ARID4B: variants seen among roughly 807,000 people sequenced by gnomAD.
ARID4B encodes AT-rich interaction domain 4B.
A neutral mutation model predicts 147.5 loss-of-function variants in ARID4B; 26 were observed. The ratio of observed to expected loss-of-function variants is 0.18; its 90% CI spans 0.13 to 0.24. The LOEUF (loss-of-function observed/expected upper bound fraction) is 0.24. ARID4B is among the 10% of genes least tolerant of loss of function. ARID4B has a pLI of 1.00. For missense variants in ARID4B, 1,179 were observed against 1,511.5 expected (o/e 0.78, Z 3.65); for synonymous variants, 512 against 507.9 (o/e 1.01, Z -0.11).
chr1:235,272,262 A>G lies in ARID4B; in HGVS notation c.7-11510T>C, dbSNP rs181314023. ...CTTTCCTTTTCCCAAATATACCAACATTTTGCAAAAGTGACCATTTTATAC... is the reference window on the plus strand; with the variant it reads ...CTTTCCTTTTCCCAAATATACCAACGTTTTGCAAAAGTGACCATTTTATAC... On this transcript the variant is annotated intron_variant, in intron 2 of 23. Coordinates refer to ENST00000264183, the MANE Select transcript of ARID4B (RefSeq NM_016374.6). 2.9e-3 allele frequency among the ~76,000 whole-genome samples: 449 copies of G among 152,256 alleles called. 3 individuals are homozygous for G. Among genetic ancestry groups the G allele is most frequent in the African/African-American group, 0.01 (428 of 41,540 alleles).
At position 235,328,109 on chromosome 1, in the gene ARID4B, G is replaced by A. The variant is rs1675480556; in HGVS notation, c.-390C>T. The A allele has an allele frequency of 6.5e-6, 1 of 153,370 alleles. No homozygotes were observed. Among genetic ancestry groups the A allele is most frequent in the African/African-American group, 2.4e-5 (1 of 41,442 alleles). The allele number at this position is 153,370 out of a possible 1,614,324, so 9.5% of individuals were successfully genotyped here. A position where few individuals can be genotyped will look rare whatever the true frequency, so the allele number is the denominator to read the frequency against. On this transcript the variant is annotated 5_prime_UTR_variant, in exon 1 of 24. Coordinates refer to ENST00000264183, the MANE Select transcript of ARID4B (RefSeq NM_016374.6). ...CAGGCGGTGGCCGTGGCGGCGGCAA[G>A]ATGAAGCTCAAGAGTCTCCCTCCGC...
intron 2 of ARID4B, among the ~76,000 whole-genome samples, chr1:235,272,226 C>T (rs988123325): frequency 6.6e-6 from 1 of 152,152 alleles, no homozygotes; most frequent in African/African-American, 2.4e-5. Context: ...TGATGTAACA[C>T]TATATACTGA....
At chr1:235,202,082 A>C (rs980317570) in intron 17 of ARID4B, among the ~76,000 whole-genome samples, 1 of 150,842 alleles carries the variant, frequency 6.6e-6, no homozygotes, top group African/African-American at 2.4e-5. Flanking sequence ...CCTGGCTTTA[A>C]CTGGTCTTAA....
chr1:235,225,309 T>C (rs951309314), intron 11 of ARID4B, among the ~76,000 whole-genome samples: 1 of 152,158 alleles, frequency 6.6e-6, no homozygotes, highest in African/African-American at 2.4e-5. Flanking sequence ...GGGAACAAAT[T>C]TGATCTACAA....
intron 8 of ARID4B, among the ~76,000 whole-genome samples, chr1:235,239,821 A>G (rs1668871454): frequency 6.6e-6 from 1 of 152,230 alleles, no homozygotes; most frequent in Non-Finnish European, 1.5e-5. Flanking sequence ...AACATTAAAA[A>G]GTAGGTAGAA....
chr1:235,267,885 C>T (rs1045698717), intron 2 of ARID4B, among the ~76,000 whole-genome samples: 2 of 151,032 alleles, frequency 1.3e-5, no homozygotes, highest in Non-Finnish European at 2.9e-5. Flanking sequence ...ACCTGAGTGA[C>T]GTGAGACTAC....
At chr1:235,301,044 T>C (rs1476673046) in intron 2 of ARID4B, among the ~76,000 whole-genome samples, 1 of 109,616 alleles carries the variant, frequency 9.1e-6, no homozygotes, top group Non-Finnish European at 1.9e-5. Flanking sequence ...TATTCTTTTT[T>C]TTTTTTTTTT....
intron 16 of ARID4B, 31 bp from the exon 17 acceptor site, chr1:235,214,057 TAA>T (rs767822823): frequency 1.9e-6 from 3 of 1,578,180 alleles, no homozygotes; most frequent in Non-Finnish European, 2.6e-6. Context: ...GCAGAGTTAA[TAA>T]AAGACACTTC....
chr1:235,257,639 G>A (rs570743783), intron 3 of ARID4B, among the ~76,000 whole-genome samples: 3 of 151,796 alleles, frequency 2.0e-5, no homozygotes, highest in Non-Finnish European at 4.4e-5. Context: ...CTACCACCAG[G>A]CCAACTAATT....
intron 2 of ARID4B, among the ~76,000 whole-genome samples, chr1:235,318,216 A>G (rs1359800859): frequency 7.9e-6 from 1 of 127,130 alleles, no homozygotes; most frequent in Admixed American, 9.9e-5. Flanking sequence ...TTGATCTGAC[A>G]CCTAGGCTGG....
At chr1:235,243,913 T>C (rs1289908742) in intron 7 of ARID4B, among the ~76,000 whole-genome samples, 1 of 152,136 alleles carries the variant, frequency 6.6e-6, no homozygotes, top group African/African-American at 2.4e-5. Flanking sequence ...AATTCTCATA[T>C]TAAAATAAAG....
chr1:235,215,686 G>A (rs1213460990), intron 16 of ARID4B, among the ~76,000 whole-genome samples: 4 of 151,230 alleles, frequency 2.6e-5, no homozygotes, highest in Admixed American at 6.6e-5. Context: ...GTGCTCAAAT[G>A]ATCCTCCCAC....
rs1663468634 is a variant in ARID4B, at chr1:235,172,872, TA to T, written c.3665-109del. 10 of 881,212 alleles carry T rather than the reference TA, an allele frequency of 1.1e-5. No individual in the cohort carries two copies. The South Asian group carries it at 2.2e-4, about 19-fold the overall frequency. 54.6% of individuals were successfully genotyped at this position (881,212 alleles called of 1,614,324 possible). A position where few individuals can be genotyped will look rare whatever the true frequency, so the allele number is the denominator to read the frequency against. Reference sequence around the variant, plus strand: ...CTGAATAAGGTTGAGGCAGATGAACTAAAAAACTAAGGCTTCTGAAATATTT... The same window carrying T: ...CTGAATAAGGTTGAGGCAGATGAACTAAAAACTAAGGCTTCTGAAATATTT... On this transcript the variant is annotated intron_variant, in intron 22 of 23. Transcript: ENST00000264183.
chr1:235,261,601 A>T (rs1670301631), intron 2 of ARID4B, among the ~76,000 whole-genome samples: 1 of 152,354 alleles, frequency 6.6e-6, no homozygotes, highest in East Asian at 1.9e-4. Context: ...AGTGAAAACT[A>T]TATGAAGAAA....
intron 2 of ARID4B, among the ~76,000 whole-genome samples, chr1:235,266,700 C>T (rs1168448683): frequency 6.6e-6 from 1 of 152,114 alleles, no homozygotes; most frequent in African/African-American, 2.4e-5. Flanking sequence ...CAGAAGTGCA[C>T]AAATGAATCA....
At position 235,182,659 on chromosome 1, in the gene ARID4B, G is replaced by T; in HGVS notation, c.2260C>A (p.Gln754Lys). ...NRNDLISKEE[Q>K]NSSSLLEENK... ...TCTTCTAGCAAAGATGAACTGTTCT[G>T]TTCCTCCTTTGAAATAAGATCATTT... Residue 754 changes from glutamine to lysine, a missense_variant, in exon 20 of 24, where the codon CAG becomes AAG. Gln to Lys is a moderately conservative substitution (Grantham distance 53). Coordinates refer to ENST00000264183, the MANE Select transcript of ARID4B (RefSeq NM_016374.6). 6.2e-7 allele frequency: 1 copy of T among 1,613,756 alleles called. No individual in the cohort carries two copies. The highest frequency in any genetic ancestry group is 8.5e-7 in the Non-Finnish European group (1 of 1,180,010).
chr1:235,177,318 A>C (rs749107598), intron 21 of ARID4B, among the ~76,000 whole-genome samples: 1 of 152,246 alleles, frequency 6.6e-6, no homozygotes, highest in Admixed American at 6.5e-5. Flanking sequence ...GATGTTTATA[A>C]TATATTGGCT....
At chr1:235,289,562 A>G (rs188336320) in intron 2 of ARID4B, among the ~76,000 whole-genome samples, 1 of 152,110 alleles carries the variant, frequency 6.6e-6, no homozygotes, top group Admixed American at 6.6e-5. Flanking sequence ...TATCTCTATT[A>G]AAAAATTTAA....
At position 235,207,979 on chromosome 1, in the gene ARID4B, A is replaced by G. The variant is rs377712002; in HGVS notation, c.1841+5790T>C. ...TTGTGGCTTATTTAAGAGTTTTACAACTGAAGTTTTACAGTGTCTCTTTTA... is the reference window on the plus strand; with the variant it reads ...TTGTGGCTTATTTAAGAGTTTTACAGCTGAAGTTTTACAGTGTCTCTTTTA... On this transcript the variant is annotated intron_variant, in intron 17 of 23. Coordinates refer to ENST00000264183, the MANE Select transcript of ARID4B (RefSeq NM_016374.6). Among the ~76,000 whole-genome samples, 311 of 152,344 alleles carry G rather than the reference A, an allele frequency of 2.0e-3. 2 individuals carry two copies. Among genetic ancestry groups the G allele is most frequent in the African/African-American group, 7.2e-3 (300 of 41,592 alleles).
Sources: gnomAD v4.1 joint callset for allele counts (sites outside exome capture counted in the v4.1 genomes callset) on GRCh38, gnomAD v4.1.1 for gene constraint, MANE v1.5 for transcripts, NCBI Gene and HGNC (gene_info 2026-07-23, HGNC 2026-07-21) for gene names.